The following CAP2 variants were observed in gnomAD, a reference collection of about 807,000 sequenced individuals.
The protein encoded by CAP2 is cyclase associated actin cytoskeleton regulatory protein 2.
Under a neutral mutation model 57.7 loss-of-function variants are expected in CAP2, and 24 were observed. That is an observed-to-expected ratio of 0.42 (90% CI 0.30 to 0.58). CAP2 has a LOEUF of 0.58. CAP2 is among the 20% of genes least tolerant of loss of function. The pLI, the probability that CAP2 is intolerant of heterozygous loss-of-function variation, is 0.22. For synonymous variants in CAP2, 194 were observed against 207.2 expected (o/e 0.94, Z 0.55); for missense variants, 501 against 590.3 (o/e 0.85, Z 1.57).
intron 3 of CAP2, among the ~76,000 whole-genome samples, chr6:17,442,785 T>G (rs1440658729): frequency 6.6e-6 from 1 of 151,808 alleles, no homozygotes; most frequent in Non-Finnish European, 1.5e-5. Context: ...TGGCAGCATC[T>G]TGGCTTACTG....
At chr6:17,463,760 C>G (rs1760790343) in intron 4 of CAP2, among the ~76,000 whole-genome samples, 1 of 152,186 alleles carries the variant, frequency 6.6e-6, no homozygotes, top group South Asian at 2.1e-4. Flanking sequence ...GTTTTCATGA[C>G]TCTATAAGAA....
At chr6:17,436,086 T>TTTCCTTCCTTCCTTCC (rs745555651) in intron 3 of CAP2, among the ~76,000 whole-genome samples, 208 of 133,970 alleles carry the variant, frequency 1.6e-3, no homozygotes, top group African/African-American at 5.6e-3. Context: ...TCTTTCTTTC[T>TTTCCTTCCTTCCTTCC]TTCCTTCCTT....
At chr6:17,493,213 A>C (rs1247786972) in intron 4 of CAP2, among the ~76,000 whole-genome samples, 1 of 152,146 alleles carries the variant, frequency 6.6e-6, no homozygotes, top group Non-Finnish European at 1.5e-5. Context: ...TTGTTCATTC[A>C]TGCCTGTTAC....
intron 1 of CAP2, among the ~76,000 whole-genome samples, chr6:17,410,858 C>T (rs1269378033): frequency 6.6e-6 from 1 of 152,152 alleles, no homozygotes; most frequent in Non-Finnish European, 1.5e-5. Flanking sequence ...CATGCCTGGC[C>T]AGATTTAATG....
chr6:17,491,220 G>T (rs1158401931), intron 4 of CAP2, among the ~76,000 whole-genome samples: 1 of 151,678 alleles, frequency 6.6e-6, no homozygotes, highest in Admixed American at 6.6e-5. Context: ...ACCTTTTCCA[G>T]TATGTCCCAG....
rs1763334477 is a variant in CAP2 at position 17,557,187 on chromosome 6, A to G, written c.*745A>G. ...GAAGAAATCATTTTTTTTGCTATGT[A>G]ATACCTCGCAACTTTGCTCTAAAAT... On this transcript the variant is annotated 3_prime_UTR_variant, in exon 13 of 13. Transcript: ENST00000229922. The G allele has an allele frequency of 6.6e-6, 1 of 152,212 alleles. No homozygotes were observed. Among genetic ancestry groups the G allele is most frequent in the Non-Finnish European group, 1.5e-5 (1 of 68,040 alleles). 9.4% of individuals were successfully genotyped at this position (152,212 alleles called of 1,614,324 possible). A position where few individuals can be genotyped will look rare whatever the true frequency, so the allele number is the denominator to read the frequency against.
chr6:17,532,066 C>T (rs1181742895), intron 7 of CAP2, among the ~76,000 whole-genome samples: 2 of 151,748 alleles, frequency 1.3e-5, no homozygotes, highest in East Asian at 3.9e-4. Flanking sequence ...CACTTTTAAT[C>T]CAACTATTAA....
In CAP2 at chr6:17,502,345, A is replaced by T. The variant is rs775932915; in HGVS notation, c.301-4824A>T. Among the ~76,000 whole-genome samples, 41 of 152,040 alleles carry T rather than the reference A, an allele frequency of 2.7e-4. 1 individual carries two copies. The highest frequency in any genetic ancestry group is 1.3e-4 in the Admixed American group (2 of 15,270). Reference sequence around the variant, plus strand: ...CAGCTTTGATGGAAGTCACACCATCACTCTAATGTTCTCTTCTATTTTTGA... The same window carrying T: ...CAGCTTTGATGGAAGTCACACCATCTCTCTAATGTTCTCTTCTATTTTTGA... On this transcript the variant is annotated intron_variant, in intron 4 of 12. Coordinates refer to ENST00000229922, the MANE Select transcript of CAP2 (RefSeq NM_006366.3).
chr6:17,483,668 C>T (rs1266942281), intron 4 of CAP2, among the ~76,000 whole-genome samples: 2 of 152,126 alleles, frequency 1.3e-5, no homozygotes, highest in Admixed American at 1.3e-4. Context: ...GCCCCAGGGC[C>T]CCTTGATAGA....
intron 11 of CAP2, among the ~76,000 whole-genome samples, chr6:17,547,834 C>G (rs1763084342): frequency 8.0e-6 from 1 of 125,038 alleles, no homozygotes; most frequent in African/African-American, 2.9e-5. Flanking sequence ...GAGTGAGACT[C>G]TGTCTCAAAA....
chr6:17,521,311 G>A (rs931482842), intron 7 of CAP2, among the ~76,000 whole-genome samples: 5 of 152,024 alleles, frequency 3.3e-5, no homozygotes, highest in Non-Finnish European at 7.4e-5. Context: ...CCCAGCTACC[G>A]GGAGGCTGAG....
Position 17,406,398 on chromosome 6 carries a change from C to CTTTTTTTTTTTTTTTTTTTTTTTT in CAP2, c.-2+12667_-2+12668insTTTTTTTTTTTTTTTTTTTTTTTT, listed in dbSNP as rs777803474. On this transcript the variant is annotated intron_variant, in intron 1 of 12. Coordinates refer to ENST00000229922, the MANE Select transcript of CAP2 (RefSeq NM_006366.3). The stretch of plus-strand genomic sequence containing the variant: ...CTTTTCTGTCAGTAAGCCCAGATTT[C>CTTTTTTTTTTTTTTTTTTTTTTTT]TTTTTTTTTTTTTTTGAGGCAGTCT... Among the ~76,000 whole-genome samples the CTTTTTTTTTTTTTTTTTTTTTTTT allele has an allele frequency of 8.6e-4, 88 of 102,458 alleles. 16 individuals are homozygous for CTTTTTTTTTTTTTTTTTTTTTTTT. The highest frequency in any genetic ancestry group is 4.1e-3 in the African/African-American group (70 of 16,996). 67.2% of individuals were successfully genotyped at this position (102,458 alleles called of 152,430 possible). A position where few individuals can be genotyped will look rare whatever the true frequency, so the allele number is the denominator to read the frequency against.
intron 4 of CAP2, among the ~76,000 whole-genome samples, chr6:17,498,876 C>G (rs2113645236): frequency 6.6e-6 from 1 of 151,892 alleles, no homozygotes; most frequent in African/African-American, 2.4e-5. Flanking sequence ...TTACAGGCGC[C>G]CGCCACCACG....
chr6:17,455,398 C>T (rs1760533223), intron 3 of CAP2, among the ~76,000 whole-genome samples: 1 of 152,086 alleles, frequency 6.6e-6, no homozygotes, highest in South Asian at 2.1e-4. Context: ...AGGGAAGAAT[C>T]AGGAGAAGAG....
At chr6:17,448,727 C>T (rs1199632477) in intron 3 of CAP2, among the ~76,000 whole-genome samples, 1 of 150,426 alleles carries the variant, frequency 6.6e-6, no homozygotes, top group African/African-American at 2.4e-5. Context: ...ACCATGTCTT[C>T]TGGGTCTCTT....
intron 3 of CAP2, among the ~76,000 whole-genome samples, chr6:17,435,988 G>T (rs1759870193): frequency 6.6e-6 from 1 of 152,160 alleles, no homozygotes; most frequent in African/African-American, 2.4e-5. Context: ...GGTCCTGGAA[G>T]GATACTCATG....
chr6:17,509,494 A>G (rs1216090938), intron 6 of CAP2, among the ~76,000 whole-genome samples: 1 of 152,144 alleles, frequency 6.6e-6, no homozygotes, highest in South Asian at 2.1e-4. Flanking sequence ...CCTGGCCAAC[A>G]TGGTGAAACC....
chr6:17,548,048 T>C (rs1189260954), intron 11 of CAP2, among the ~76,000 whole-genome samples: 1 of 151,892 alleles, frequency 6.6e-6, no homozygotes, highest in Non-Finnish European at 1.5e-5. Flanking sequence ...CAATAGCATT[T>C]CTTTCTACCA....
intron 3 of CAP2, among the ~76,000 whole-genome samples, chr6:17,441,761 A>G (rs1438715347): frequency 1.3e-5 from 2 of 152,238 alleles, no homozygotes; most frequent in Non-Finnish European, 2.9e-5. Context: ...TTGGGATTAC[A>G]GGAGCGAGCC....
Sources: allele counts gnomAD v4.1 joint callset (sites outside exome capture counted in the v4.1 genomes callset), GRCh38; gene constraint gnomAD v4.1.1; transcripts MANE v1.5; gene names NCBI Gene and HGNC (gene_info 2026-07-23, HGNC 2026-07-21).